GLCCI1: variants seen among roughly 807,000 people sequenced by gnomAD.
The protein encoded by GLCCI1 is glucocorticoid-induced transcript 1 protein.
In GLCCI1, 24 loss-of-function variants were observed where a neutral mutation model predicts 52.2. The ratio of observed to expected loss-of-function variants is 0.46; its 90% CI spans 0.33 to 0.65. The LOEUF (loss-of-function observed/expected upper bound fraction) is 0.65. Among genes scored for constraint, GLCCI1 ranks in the 30% least tolerant of loss-of-function variants. GLCCI1 has a pLI of 0.02. For missense variants in GLCCI1, 704 were observed against 701.5 expected, an observed-to-expected ratio of 1.00 and a Z score of -0.04; for synonymous variants, 310 against 276.5, an observed-to-expected ratio of 1.12 and a Z score of -1.20.
intron 2 of GLCCI1, among the ~76,000 whole-genome samples, chr7:8,014,791 A>G (rs1781342074): frequency 6.6e-6 from 1 of 152,236 alleles, no homozygotes; most frequent in Non-Finnish European, 1.5e-5. Flanking sequence ...CAAAACTTGT[A>G]TTCTCTGAGA....
intron 1 of GLCCI1, among the ~76,000 whole-genome samples, chr7:7,995,782 A>G (rs1364466717): frequency 6.6e-6 from 1 of 152,192 alleles, no homozygotes; most frequent in African/African-American, 2.4e-5. Context: ...GGATAGCATT[A>G]GGAGATATAA....
rs1006688105 is a variant in GLCCI1, at chr7:8,086,295, C to A, written c.1401C>A (p.Gly467=). The A allele has an allele frequency of 6.2e-7, 1 of 1,614,130 alleles. No homozygotes were observed. Among genetic ancestry groups the A allele is most frequent in the Non-Finnish European group, 8.5e-7 (1 of 1,179,982 alleles). The change falls in exon 8 of 8, where the codon GGC becomes GGA. Residue 467 remains glycine, a synonymous_variant. Transcript: ENST00000223145. This position sits in a 1 kb window ranked among gnomAD's most constrained non-coding sequence, Gnocchi z 4.4. ...CTTTCTGTCCTGTAAAACTTCTAGG[C>A]CCCCTCTTACCTGCTTCTGACCTTA... The part of the protein sequence containing the change: ...GSAFCPVKLL[G]PLLPASDLML...
At chr7:8,047,676 ACTTCTT>A (rs1363297934) in intron 3 of GLCCI1, among the ~76,000 whole-genome samples, 1 of 152,204 alleles carries the variant, frequency 6.6e-6, no homozygotes, top group Non-Finnish European at 1.5e-5. Flanking sequence ...GATACAGTCT[ACTTCTT>A]AAAGAGCTTA....
intron 3 of GLCCI1, among the ~76,000 whole-genome samples, chr7:8,043,012 C>T (rs953780343): frequency 2.6e-5 from 4 of 152,156 alleles, no homozygotes; most frequent in African/African-American, 7.2e-5. Flanking sequence ...CTTCAGCAAC[C>T]GCCATCCTGA....
At chr7:7,986,100 G>A (rs565147731) in intron 1 of GLCCI1, among the ~76,000 whole-genome samples, 1 of 152,158 alleles carries the variant, frequency 6.6e-6, no homozygotes, top group South Asian at 2.1e-4. Flanking sequence ...TCTTCTTCTT[G>A]ATCCTGTTAC....
intron 3 of GLCCI1, 83 bp from the exon 4 acceptor site, chr7:8,055,350 G>A (rs540467068): frequency 1.4e-6 from 1 of 731,682 alleles, no homozygotes; most frequent in East Asian, 2.8e-5. Context: ...GTTTTAATCA[G>A]TACCCCAAAA....
At chr7:8,036,054 A>T (rs34261596) in intron 3 of GLCCI1, among the ~76,000 whole-genome samples, 21,759 of 152,226 alleles carry the variant, frequency 0.14, 1,730 homozygotes, top group East Asian at 0.27. Context: ...ACAAAGATCA[A>T]GCATATACCC....
intron 2 of GLCCI1, among the ~76,000 whole-genome samples, chr7:8,004,715 C>T (rs566863023): frequency 6.6e-6 from 1 of 152,232 alleles, no homozygotes; most frequent in South Asian, 2.1e-4. Flanking sequence ...TTTTAAAAAA[C>T]CTGCAGCACA....
chr7:8,001,627 C>T (rs1412255340), intron 1 of GLCCI1, among the ~76,000 whole-genome samples: 2 of 152,224 alleles, frequency 1.3e-5, no homozygotes, highest in Non-Finnish European at 2.9e-5. Context: ...GATTATAAAT[C>T]ATGCTACTAT....
chr7:7,985,458 TATAAG>T (rs1232335390), intron 1 of GLCCI1, among the ~76,000 whole-genome samples: 5 of 152,126 alleles, frequency 3.3e-5, no homozygotes, highest in Non-Finnish European at 7.4e-5. Context: ...GCTCACTTCG[TATAAG>T]ATAAAACCAA....
rs1233696222 is a variant in GLCCI1 at position 7,976,647 on chromosome 7, C to T, written c.457+6840C>T. ...AGAAATCCTGCTGGGCATGGTGGCTCACACCTGTAATCCCAGCACTTTGGG... is the reference window on the plus strand; with the variant it reads ...AGAAATCCTGCTGGGCATGGTGGCTTACACCTGTAATCCCAGCACTTTGGG... On this transcript the variant is annotated intron_variant, in intron 1 of 7. Transcript: ENST00000223145. Among the ~76,000 whole-genome samples, 3 of 151,980 alleles carry T rather than the reference C, an allele frequency of 2.0e-5. No individual in the cohort carries two copies. In the East Asian group the frequency reaches 5.8e-4, roughly 29 times the overall value.
intron 6 of GLCCI1, among the ~76,000 whole-genome samples, chr7:8,073,121 T>C (rs979617563): frequency 6.6e-6 from 1 of 152,156 alleles, no homozygotes; most frequent in South Asian, 2.1e-4. Context: ...CATTGTAACA[T>C]AGAAGTTAAG....
chr7:7,987,048 A>G (rs1228987837), intron 1 of GLCCI1, among the ~76,000 whole-genome samples: 1 of 152,174 alleles, frequency 6.6e-6, no homozygotes, highest in Non-Finnish European at 1.5e-5. Flanking sequence ...TGTAATCATT[A>G]TACTGCTATA....
chr7:8,017,469 T>G (rs1781403388), intron 2 of GLCCI1, among the ~76,000 whole-genome samples: 1 of 152,158 alleles, frequency 6.6e-6, no homozygotes, highest in South Asian at 2.1e-4. Flanking sequence ...GCTTAAAAAA[T>G]AAGAAGTATA....
chr7:8,076,125 C>CT (rs1182499698), intron 6 of GLCCI1, among the ~76,000 whole-genome samples: 1 of 151,946 alleles, frequency 6.6e-6, no homozygotes, highest in African/African-American at 2.4e-5. Flanking sequence ...ATTTCTTGAC[C>CT]TTTTTTTGAC....
intron 3 of GLCCI1, among the ~76,000 whole-genome samples, chr7:8,043,672 G>T (rs1033659328): frequency 2.0e-5 from 3 of 152,102 alleles, no homozygotes; most frequent in Non-Finnish European, 4.4e-5. Context: ...TCTGCAAATT[G>T]ATTAAAACCT....
At chr7:8,062,267 C>T (rs1782536376) in intron 5 of GLCCI1, among the ~76,000 whole-genome samples, 1 of 152,178 alleles carries the variant, frequency 6.6e-6, no homozygotes, top group Admixed American at 6.5e-5. Context: ...AAAATATCAC[C>T]ATGAACTGGC....
intron 1 of GLCCI1, among the ~76,000 whole-genome samples, chr7:7,998,743 A>C (rs1280169461): frequency 6.6e-6 from 1 of 152,182 alleles, no homozygotes; most frequent in African/African-American, 2.4e-5. Context: ...GAAGGAGCTG[A>C]CTACATGTTT....
intron 1 of GLCCI1, among the ~76,000 whole-genome samples, chr7:7,985,109 A>G (rs752109890): frequency 1.3e-5 from 2 of 152,216 alleles, no homozygotes; most frequent in African/African-American, 4.8e-5. Context: ...GCATAATTAG[A>G]CTACAAATAT....
Sources: allele counts gnomAD v4.1 joint callset (sites outside exome capture counted in the v4.1 genomes callset), GRCh38; gene constraint gnomAD v4.1.1; non-coding constraint Gnocchi (gnomAD v3.1); transcripts MANE v1.5; gene names NCBI Gene and HGNC (gene_info 2026-07-23, HGNC 2026-07-21).